Variants in NUP98 observed in about 807,000 individuals in gnomAD.
The protein encoded by NUP98 is nuclear pore complex protein Nup98-Nup96.
NUP98 carries 26 observed loss-of-function variants against 191.9 expected under a neutral mutation model. That is an observed-to-expected ratio of 0.14 (90% confidence interval 0.10 to 0.19). The LOEUF is 0.19. Ranked by LOEUF, NUP98 falls within the 10% of genes least tolerant of loss-of-function variation. The pLI is 1.00. For missense variants in NUP98, 1,941 were observed against 2,178.8 expected (o/e 0.89, Z 2.17); for synonymous variants, 808 against 778.4 (o/e 1.04, Z -0.63).
At chr11:3,712,413 G>A (rs1162888975) in intron 20 of NUP98, 151 bp downstream of exon 20, 12 of 1,430,160 alleles carry the variant, frequency 8.4e-6, no homozygotes, top group East Asian at 2.5e-5. Flanking sequence ...AAGACCTCAC[G>A]CCCTCCCTTG....
At chr11:3,690,751 T>A (rs774559478) in intron 28 of NUP98, among the ~76,000 whole-genome samples, 7 of 152,158 alleles carry the variant, frequency 4.6e-5, no homozygotes, top group Non-Finnish European at 1.0e-4. Flanking sequence ...TCTGGATATG[T>A]TCATAGCAGA....
At chr11:3,740,033 A>G (rs1469826054) in intron 12 of NUP98, among the ~76,000 whole-genome samples, 4 of 152,202 alleles carry the variant, frequency 2.6e-5, no homozygotes, top group Non-Finnish European at 4.4e-5. Flanking sequence ...AAAGCTTGGG[A>G]ATCAAAGATT....
At chr11:3,701,590 A>T (rs548009010) in intron 23 of NUP98, among the ~76,000 whole-genome samples, 1 of 152,140 alleles carries the variant, frequency 6.6e-6, no homozygotes, top group South Asian at 2.1e-4. Context: ...AACCTTCAAA[A>T]TTCACAAGAT....
chr11:3,697,122 C>T (rs2078533912), intron 25 of NUP98: 1 of 151,814 alleles, frequency 6.6e-6, no homozygotes, highest in Admixed American at 6.6e-5. Flanking sequence ...TAAATAGTAC[C>T]AGACGGAGGC....
chr11:3,729,144 A>C (rs541935996), intron 14 of NUP98, among the ~76,000 whole-genome samples: 31 of 152,312 alleles, frequency 2.0e-4, no homozygotes, highest in Admixed American at 1.1e-3. Flanking sequence ...GGAGATAAAA[A>C]TTTGGGAATC....
chr11:3,735,125 TAC>T (rs1026272148), intron 13 of NUP98, 64 bp downstream of exon 13: 19 of 1,432,886 alleles, frequency 1.3e-5, no homozygotes, highest in Non-Finnish European at 1.8e-5. Context: ...GGCAAAAAAT[TAC>T]ATTCTGCACA....
At chr11:3,691,944 C>T (rs537715283) in intron 27 of NUP98, among the ~76,000 whole-genome samples, 6 of 152,234 alleles carry the variant, frequency 3.9e-5, no homozygotes, top group Admixed American at 2.0e-4. Context: ...AATCCCAGCA[C>T]TTTGAAAGTG....
intron 26 of NUP98, among the ~76,000 whole-genome samples, chr11:3,693,935 A>T (rs2078406281): frequency 6.6e-6 from 1 of 152,178 alleles, no homozygotes; most frequent in Non-Finnish European, 1.5e-5. Flanking sequence ...GTGGCTATAA[A>T]AAAGAATAAT....
intron 12 of NUP98, among the ~76,000 whole-genome samples, chr11:3,736,866 A>T (rs1349819062): frequency 2.0e-5 from 3 of 152,204 alleles, no homozygotes; most frequent in Non-Finnish European, 4.4e-5. Context: ...GGCTATCCTT[A>T]TAAGTTTATT....
chr11:3,706,797 C>T (rs957001578), intron 20 of NUP98, among the ~76,000 whole-genome samples, 170 bp from the exon 21 acceptor site: 16 of 152,128 alleles, frequency 1.1e-4, no homozygotes, highest in African/African-American at 3.9e-4. Flanking sequence ...ATCAATTACC[C>T]CAAGATAAAC....
intron 8 of NUP98, among the ~76,000 whole-genome samples, chr11:3,767,671 A>G (rs1198728997): frequency 6.6e-6 from 1 of 152,088 alleles, no homozygotes; most frequent in Non-Finnish European, 1.5e-5. Context: ...AGACGAGGTA[A>G]ATTCCAAGTC....
chr11:3,790,018 C>T (rs112372320), intron 1 of NUP98, among the ~76,000 whole-genome samples: 12,167 of 152,170 alleles, frequency 0.08, 953 homozygotes, highest in African/African-American at 0.19. Flanking sequence ...CTTCCGACCT[C>T]GTGATCCGCC....
intron 1 of NUP98, among the ~76,000 whole-genome samples, chr11:3,794,078 T>C (rs1053364735): frequency 6.6e-6 from 1 of 152,214 alleles, no homozygotes; most frequent in African/African-American, 2.4e-5. Context: ...CGTTACAACC[T>C]GCAGAGGATG....
chr11:3,702,341 T>TC (rs2078728334), intron 23 of NUP98, 122 bp downstream of exon 23: 3 of 564,776 alleles, frequency 5.3e-6, no homozygotes, highest in Non-Finnish European at 8.9e-6. Flanking sequence ...TCTCTCTCTC[T>TC]CTCTCTCTCT....
chr11:3,747,038 T>G (rs1213562027), intron 11 of NUP98, among the ~76,000 whole-genome samples: 1 of 152,230 alleles, frequency 6.6e-6, no homozygotes, highest in African/African-American at 2.4e-5. Flanking sequence ...CCTTGTTTTA[T>G]GCACAAATGG....
intron 25 of NUP98, chr11:3,696,589 A>C (rs930320703): frequency 6.6e-6 from 1 of 151,904 alleles, no homozygotes; most frequent in Non-Finnish European, 1.5e-5. Flanking sequence ...CAGGCGGATC[A>C]CCTGAGGTCA....
At chr11:3,722,105 CTTTTTTTTTTTTTT>C (rs923606079) in intron 16 of NUP98, among the ~76,000 whole-genome samples, 2 of 108,264 alleles carry the variant, frequency 1.8e-5, no homozygotes, top group Admixed American at 9.7e-5. Context: ...ACCTGGAATT[CTTTTTTTTTTTTTT>C]TTTTTTTTTA....
intron 29 of NUP98, among the ~76,000 whole-genome samples, chr11:3,684,207 C>A (rs2078068379): frequency 6.6e-6 from 1 of 152,024 alleles, no homozygotes. Context: ...ACCGAAACTC[C>A]ATCTCAAAAA....
chr11:3,706,293 G>A, intron 21 of NUP98, 152 bp downstream of exon 21: 1 of 668,520 alleles, frequency 1.5e-6, no homozygotes, highest in Non-Finnish European at 2.6e-6. Flanking sequence ...AGAGAATGAG[G>A]CCCAGACATT....
Sources: gnomAD v4.1 joint callset for allele counts (sites outside exome capture counted in the v4.1 genomes callset) on GRCh38, gnomAD v4.1.1 for gene constraint, MANE v1.5 for transcripts, NCBI Gene and HGNC (gene_info 2026-07-23, HGNC 2026-07-21) for gene names.